Variants in PCDH15 observed in about 807,000 individuals in gnomAD.
PCDH15 encodes protocadherin related 15, also known as protocadherin-15.
A neutral mutation model predicts 178.5 loss-of-function variants in PCDH15; 129 were observed. The ratio of observed to expected loss-of-function variants is 0.72; its 90% CI spans 0.63 to 0.84. The LOEUF (loss-of-function observed/expected upper bound fraction) is 0.84, where lower values mean the gene tolerates loss of function less well. Among genes scored for constraint, PCDH15 ranks in the 40% least tolerant of loss-of-function variants. PCDH15 has a pLI of 0.00. For synonymous variants in PCDH15, 800 were observed against 732.0 expected (o/e 1.09, Z -1.50); for missense variants, 2,230 against 2,099.9 (o/e 1.06, Z -1.21).
intron 13 of PCDH15, among the ~76,000 whole-genome samples, chr10:54,176,883 A>G (rs1350396072): frequency 6.6e-6 from 1 of 152,280 alleles, no homozygotes; most frequent in East Asian, 1.9e-4. Flanking sequence ...AAAGATATCC[A>G]TATTCATTCT....
chr10:54,887,908 C>A (rs1954388053), intron 3 of PCDH15, among the ~76,000 whole-genome samples: 1 of 152,066 alleles, frequency 6.6e-6, no homozygotes, highest in Non-Finnish European at 1.5e-5. Context: ...CAATTTCCAA[C>A]TAGATGTCAT....
intron 15 of PCDH15, among the ~76,000 whole-genome samples, chr10:54,107,162 T>C (rs540303925): frequency 2.2e-4 from 33 of 152,328 alleles, no homozygotes; most frequent in Middle Eastern, 3.4e-3. Context: ...TTTTGTTATG[T>C]TCTGTTCTCT....
chr10:55,577,854 A>C (rs1842525954), intron 2 of PCDH15, among the ~76,000 whole-genome samples: 2 of 152,204 alleles, frequency 1.3e-5, no homozygotes, highest in Admixed American at 1.3e-4. Flanking sequence ...ATCTTTTCAC[A>C]GTAGTAAATT....
chr10:54,652,182 A>G (rs2094278278), intron 2 of PCDH15, among the ~76,000 whole-genome samples: 1 of 152,126 alleles, frequency 6.6e-6, no homozygotes, highest in African/African-American at 2.4e-5. Flanking sequence ...TTTATCTTCT[A>G]TTCACATCTG....
At chr10:53,816,532 A>T (rs1414200105) in intron 34 of PCDH15, among the ~76,000 whole-genome samples, 1 of 152,314 alleles carries the variant, frequency 6.6e-6, no homozygotes, top group African/African-American at 2.4e-5. Flanking sequence ...TAATAGCCTT[A>T]ATAAACAGGA....
chr10:54,371,605 G>C (rs5018250), intron 4 of PCDH15, among the ~76,000 whole-genome samples: 3,469 of 151,836 alleles, frequency 0.023, 127 homozygotes, highest in African/African-American at 0.074. Context: ...CATAAGTAGA[G>C]GGCTTCTCTT....
intron 1 of PCDH15, among the ~76,000 whole-genome samples, chr10:54,682,415 C>T (rs2094917129): frequency 6.6e-6 from 1 of 152,088 alleles, no homozygotes; most frequent in African/African-American, 2.4e-5. Flanking sequence ...CTGGCATAAA[C>T]TATGTATCTA....
intron 2 of PCDH15, among the ~76,000 whole-genome samples, chr10:55,144,626 T>C (rs1205073873): frequency 6.6e-6 from 1 of 152,098 alleles, no homozygotes; most frequent in Non-Finnish European, 1.5e-5. Context: ...GATTGTGTAA[T>C]ACTGACCATA....
intron 2 of PCDH15, among the ~76,000 whole-genome samples, chr10:54,986,149 T>C (rs950438179): frequency 1.3e-5 from 2 of 152,268 alleles, no homozygotes; most frequent in Admixed American, 1.3e-4. Flanking sequence ...CTTGGAAATG[T>C]GCTTTAGTCT....
At chr10:53,836,741 C>T (rs553407917) in intron 29 of PCDH15, among the ~76,000 whole-genome samples, 2 of 152,080 alleles carry the variant, frequency 1.3e-5, no homozygotes, top group South Asian at 2.1e-4. Context: ...TCAAGTAGGA[C>T]ACAAAAAGCC....
chr10:54,504,662 G>T (rs1474446259), intron 3 of PCDH15, among the ~76,000 whole-genome samples: 1 of 152,016 alleles, frequency 6.6e-6, no homozygotes, highest in Non-Finnish European at 1.5e-5. Flanking sequence ...ACCAAGTTCT[G>T]GTTCTATCAC....
At position 55,090,086 on chromosome 10, in the gene PCDH15, G is replaced by A. The variant is rs1006215140; in HGVS notation, c.-80+76490C>T. On this transcript the variant is annotated intron_variant, in intron 2 of 5. Transcript: ENST00000458638. ...AATATTTTTGAGAAAAATAATGTCTGCAAGAAAGTTATGAAAGTAATGGTA... is the reference window on the plus strand; with the variant it reads ...AATATTTTTGAGAAAAATAATGTCTACAAGAAAGTTATGAAAGTAATGGTA... 7.2e-5 allele frequency among the ~76,000 whole-genome samples: 11 copies of A among 152,056 alleles called. 1 individual carries two copies. Among genetic ancestry groups the A allele is most frequent in the Middle Eastern group, 6.8e-3 (2 of 294 alleles).
intron 2 of PCDH15, among the ~76,000 whole-genome samples, chr10:54,975,561 A>G (rs578188502): frequency 6.6e-6 from 1 of 152,222 alleles, no homozygotes; most frequent in African/African-American, 2.4e-5. Flanking sequence ...AGGTAGATGG[A>G]GTGATGAGAA....
intron 7 of PCDH15, among the ~76,000 whole-genome samples, chr10:54,321,131 T>C (rs1257018330): frequency 1.3e-5 from 2 of 150,288 alleles, no homozygotes; most frequent in Admixed American, 1.3e-4. Flanking sequence ...TATGTATTTG[T>C]AAATTTACTT....
At chr10:55,281,304 C>T (rs533624437) in intron 1 of PCDH15, among the ~76,000 whole-genome samples, 1 of 151,788 alleles carries the variant, frequency 6.6e-6, no homozygotes, top group East Asian at 1.9e-4. Flanking sequence ...CACTTTATTG[C>T]CTCCTTCATC....
Position 54,377,432 on chromosome 10 carries a change from T to G in PCDH15, c.318+1350A>C, listed in dbSNP as rs148086993. On this transcript the variant is annotated intron_variant, in intron 4 of 37. Transcript: ENST00000644397. ...AGGATATTCAGAATAAAAGCCCTTA[T>G]GCTTTGATGAATGAACCCCTAAAAG... is the stretch of plus-strand genomic sequence containing the variant. Among the ~76,000 whole-genome samples the G allele has an allele frequency of 7.5e-3, 1,148 of 152,258 alleles. 2 individuals carry two copies. The highest frequency in any genetic ancestry group is 0.011 in the Non-Finnish European group (782 of 68,014).
chr10:54,920,424 G>C (rs1037406594), intron 2 of PCDH15, among the ~76,000 whole-genome samples: 1 of 130,556 alleles, frequency 7.7e-6, no homozygotes, highest in Admixed American at 9.1e-5. Context: ...AGCCGAGATC[G>C]CGCCACTGCA....
At chr10:55,586,526 C>T (rs1013973207) in intron 2 of PCDH15, among the ~76,000 whole-genome samples, 2 of 151,932 alleles carry the variant, frequency 1.3e-5, no homozygotes, top group East Asian at 1.9e-4. Flanking sequence ...TGCAAAGATG[C>T]CAGGGAAATT....
At chr10:55,080,512 G>C (rs1222240038) in intron 2 of PCDH15, among the ~76,000 whole-genome samples, 1 of 152,118 alleles carries the variant, frequency 6.6e-6, no homozygotes, top group African/African-American at 2.4e-5. Context: ...GTGTGAGCAG[G>C]GTTGGCACTC....
Sources: allele counts gnomAD v4.1 joint callset (sites outside exome capture counted in the v4.1 genomes callset), GRCh38; gene constraint gnomAD v4.1.1; transcripts MANE v1.5; gene names NCBI Gene and HGNC (gene_info 2026-07-23, HGNC 2026-07-21).